Variants in KASH5 observed in about 807,000 individuals in gnomAD.
KASH5 encodes the protein KASH domain containing 5.
KASH5 carries 72 observed loss-of-function variants against 84.2 expected under a neutral mutation model. The ratio of observed to expected loss-of-function variants is 0.85; its 90% CI spans 0.71 to 1.04. KASH5 has a LOEUF of 1.04. Ranked by LOEUF, KASH5 falls within the 50% of genes least tolerant of loss-of-function variation. The pLI is 0.00. For missense variants in KASH5, 650 were observed against 701.0 expected (o/e 0.93, Z 0.82); for synonymous variants, 260 against 279.1 (o/e 0.93, Z 0.68).
intron 2 of KASH5, chr19:49,393,783 A>G (rs183041611): frequency 6.7e-6 from 1 of 148,452 alleles, no homozygotes; most frequent in Admixed American, 6.8e-5. Flanking sequence ...CACTCTACCC[A>G]CCCCCCCAGT....
intron 16 of KASH5, 116 bp downstream of exon 16, chr19:49,413,142 AT>A: frequency 9.6e-7 from 1 of 1,043,302 alleles, no homozygotes; most frequent in South Asian, 1.4e-5. Context: ...CTCCTTCTTC[AT>A]GTCTTCCGGG....
At chr19:49,413,640 C>T (rs973550440) in intron 16 of KASH5, among the ~76,000 whole-genome samples, 1 of 152,158 alleles carries the variant, frequency 6.6e-6, no homozygotes, top group African/African-American at 2.4e-5. Flanking sequence ...TGACCTCCCT[C>T]TGCGTCACCA....
intron 9 of KASH5, among the ~76,000 whole-genome samples, chr19:49,405,579 C>T (rs1160390947): frequency 6.6e-6 from 1 of 151,952 alleles, no homozygotes. Context: ...GGAAATAAGT[C>T]CTCAAGTAGG....
intron 12 of KASH5, chr19:49,408,249 G>T (rs537198710): frequency 6.1e-6 from 1 of 163,902 alleles, no homozygotes; most frequent in Non-Finnish European, 1.3e-5. Flanking sequence ...TGCGAGGCTC[G>T]TGTGGGTTCC....
At chr19:49,408,494 G>A (rs1216526822) in intron 12 of KASH5, among the ~76,000 whole-genome samples, 2 of 151,288 alleles carry the variant, frequency 1.3e-5, no homozygotes, top group East Asian at 3.9e-4. Context: ...TGTCACCCAG[G>A]CTGGAGTGCA....
At chr19:49,393,860 C>G (rs1974085674) in intron 2 of KASH5, 2 of 152,750 alleles carry the variant, frequency 1.3e-5, no homozygotes, top group East Asian at 1.9e-4. Context: ...GCACCCAGGT[C>G]TGACACACTG....
At chr19:49,391,399 A>G (rs1157911826) in intron 2 of KASH5, among the ~76,000 whole-genome samples, 1 of 152,194 alleles carries the variant, frequency 6.6e-6, no homozygotes, top group African/African-American at 2.4e-5. Flanking sequence ...TGTCCTGTGG[A>G]AGTATAATAT....
In KASH5 at chr19:49,409,820, TC is replaced by T; in HGVS notation, c.1216del (p.His406MetfsTer39). The T allele has an allele frequency of 6.2e-7, 1 of 1,613,970 alleles. No individual in the cohort carries two copies. On this transcript the variant is annotated frameshift_variant, in exon 15 of 20. Coordinates refer to ENST00000447857, the MANE Select transcript of KASH5 (RefSeq NM_144688.5). LOFTEE classifies it high-confidence loss of function. ...LCGVWQWEEV[I>X]HETSEETEFP... ...GGGGTGTGGCAGTGGGAGGAAGTCA[TC>T]CATGAGACCAGTGAGGAAACTGAGT...
chr19:49,411,375 T>C (rs1057139556), intron 15 of KASH5, among the ~76,000 whole-genome samples: 3 of 152,206 alleles, frequency 2.0e-5, no homozygotes, highest in Non-Finnish European at 4.4e-5. Context: ...GATCACTTTT[T>C]CCCTGGTTTG....
intron 2 of KASH5, among the ~76,000 whole-genome samples, chr19:49,392,955 A>G (rs906311830): frequency 6.6e-6 from 1 of 151,052 alleles, no homozygotes; most frequent in Non-Finnish European, 1.5e-5. Context: ...GACTGGGGCT[A>G]AAGCCCTGGT....
rs911260638 is a variant in KASH5 at position 49,399,068 on chromosome 19, C to T, written c.673C>T (p.Leu225=). 6.4e-7 allele frequency: 1 copy of T among 1,551,740 alleles called. No individual in the cohort carries two copies. Among genetic ancestry groups the T allele is most frequent in the Non-Finnish European group, 8.7e-7 (1 of 1,147,018 alleles). The part of the protein sequence containing the change: ...LQFAKAMDEE[L]EDLKTLARSL... Reference sequence around the variant, plus strand: ...GTTTGCCAAGGCCATGGATGAGGAGCTGGAGGACCTGAAGACTCTGGCCAG... The same window carrying T: ...GTTTGCCAAGGCCATGGATGAGGAGTTGGAGGACCTGAAGACTCTGGCCAG... Residue 225 remains leucine, a synonymous_variant, in exon 8 of 20, where the codon CTG becomes TTG. Coordinates refer to ENST00000447857, the MANE Select transcript of KASH5 (RefSeq NM_144688.5). This position sits in a 1 kb window ranked among gnomAD's most constrained non-coding sequence, Gnocchi z 4.4.
rs749637453 is a variant in KASH5, at chr19:49,395,333, C to A, written c.335+41C>A. On this transcript the variant is annotated intron_variant, in intron 4 of 19. Coordinates refer to ENST00000447857, the MANE Select transcript of KASH5 (RefSeq NM_144688.5). This position sits in a 1 kb window ranked among gnomAD's most constrained non-coding sequence, Gnocchi z 4.4. ...TTCATCCTCCTCTGGGAAGTCCTTC[C>A]TAAGATCTAACCTCATACCTGCTTA... is the stretch of plus-strand genomic sequence containing the variant. 1.3e-6 allele frequency: 2 copies of A among 1,597,082 alleles called. No individual in the cohort carries two copies. The highest frequency in any genetic ancestry group is 1.7e-6 in the Non-Finnish European group (2 of 1,171,022).
In KASH5 at chr19:49,390,920, G is replaced by T; in HGVS notation, c.37G>T (p.Ala13Ser). Residue 13 changes from alanine (A) to serine (S), a missense_variant, in exon 2 of 20, where the codon GCG becomes TCG. Ala to Ser is a moderately conservative substitution (Grantham distance 99). Coordinates refer to ENST00000447857, the MANE Select transcript of KASH5 (RefSeq NM_144688.5). ...LPEGPVGGPT[A>S]EMYLRERPEE... Reference sequence around the variant, plus strand: ...CGAGGGCCCGGTGGGTGGCCCCACTGCGGAAAGTAAGTGGCTGGAACCCTA... The same window carrying T: ...CGAGGGCCCGGTGGGTGGCCCCACTTCGGAAAGTAAGTGGCTGGAACCCTA... 6.2e-7 allele frequency: 1 copy of T among 1,606,384 alleles called. No individual in the cohort carries two copies. Among genetic ancestry groups the T allele is most frequent in the Non-Finnish European group, 8.5e-7 (1 of 1,176,858 alleles).
chr19:49,396,876 T>C (rs1031886671), intron 5 of KASH5, among the ~76,000 whole-genome samples: 2 of 151,936 alleles, frequency 1.3e-5, no homozygotes, highest in East Asian at 3.9e-4. Context: ...CTGGGCAACA[T>C]AGTGAGACAC....
intron 2 of KASH5, among the ~76,000 whole-genome samples, chr19:49,392,369 G>A (rs1974031325): frequency 6.6e-6 from 1 of 152,134 alleles, no homozygotes; most frequent in Non-Finnish European, 1.5e-5. Context: ...AAAGAGAAAT[G>A]TAACGAAGAG....
rs58650137 is a variant in KASH5, at chr19:49,390,796, C to A, written c.-88C>A. On this transcript the variant is annotated 5_prime_UTR_variant, in exon 2 of 20. Coordinates refer to ENST00000447857, the MANE Select transcript of KASH5 (RefSeq NM_144688.5). ...TCCTGCTTCTCCTTCCAGGAGTGCT[C>A]GGGCCAGCTGGTCCTTTTCCCATCC... is the stretch of plus-strand genomic sequence containing the variant. The A allele has an allele frequency of 1.5e-5, 21 of 1,429,520 alleles. No individual in the cohort carries two copies. In the East Asian group the frequency reaches 2.5e-4, roughly 17 times the overall value. 88.6% of individuals were successfully genotyped at this position (1,429,520 alleles called of 1,614,324 possible).
At chr19:49,409,652 C>A in intron 14 of KASH5, 101 bp from the exon 15 acceptor site, 1 of 1,457,350 alleles carries the variant, frequency 6.9e-7, no homozygotes, top group Non-Finnish European at 9.5e-7. Flanking sequence ...TTCTATCTCT[C>A]ATCCTATTTT....
intron 15 of KASH5, among the ~76,000 whole-genome samples, chr19:49,411,240 C>A (rs1874816557): frequency 6.7e-6 from 1 of 150,184 alleles, no homozygotes; most frequent in Non-Finnish European, 1.5e-5. Context: ...TCTGGGCTCT[C>A]TCTCTATTTT....
At position 49,406,463 on chromosome 19, in the gene KASH5, G is replaced by A. The variant is rs141139133; in HGVS notation, c.799-423G>A. Among the ~76,000 whole-genome samples, 97 of 152,200 alleles carry A rather than the reference G, an allele frequency of 6.4e-4. 1 individual carries two copies. In the East Asian group the frequency reaches 0.013, roughly 20 times the overall value. ...GCGATCTTGGCTCACTGCAACCTCC[G>A]TCTTCCCAGTTCAAGTATTTCTCCT... On this transcript the variant is annotated intron_variant, in intron 9 of 19. Transcript: ENST00000447857.
Sources: gnomAD v4.1 joint callset for allele counts (sites outside exome capture counted in the v4.1 genomes callset) on GRCh38, gnomAD v4.1.1 for gene constraint, Gnocchi (gnomAD v3.1) non-coding constraint, MANE v1.5 for transcripts, NCBI Gene and HGNC (gene_info 2026-07-23, HGNC 2026-07-21) for gene names.